The following JAKMIP3 variants were observed in gnomAD, a reference collection of about 807,000 sequenced individuals.
JAKMIP3 encodes Janus kinase and microtubule interacting protein 3.
In JAKMIP3, 58 loss-of-function variants were observed where a neutral mutation model predicts 118.5. The ratio of observed to expected loss-of-function variants is 0.49; its 90% CI spans 0.40 to 0.61. The LOEUF is 0.61. Ranked by LOEUF, JAKMIP3 falls within the 20% of genes least tolerant of loss-of-function variation. The probability of loss-of-function intolerance (pLI) is 0.00; values close to 1 mark genes in which losing one functional copy is unlikely to be tolerated. For synonymous variants in JAKMIP3, 486 were observed against 451.2 expected, an observed-to-expected ratio of 1.08 and a Z score of -0.98; for missense variants, 950 against 1,109.0, an observed-to-expected ratio of 0.86 and a Z score of 2.04.
chr10:132,137,124 C>A lies in JAKMIP3; in HGVS notation c.1222C>A (p.Gln408Lys), dbSNP rs751262268. 4 of 1,613,940 alleles carry A rather than the reference C, an allele frequency of 2.5e-6. No individual in the cohort carries two copies. Among genetic ancestry groups the A allele is most frequent in the Non-Finnish European group, 3.4e-6 (4 of 1,179,868 alleles). ...DFLKLQIVEQQNLIDELSKTL... is the reference protein window; with the variant it reads ...DFLKLQIVEQKNLIDELSKTL... ...CTTGAAGCTTCAGATTGTGGAGCAG[C>A]AAAACCTCATAGATGAACTGTCTAA... is the stretch of plus-strand genomic sequence containing the variant. The change falls in exon 7 of 24, where the codon CAA becomes AAA. Residue 408 changes from glutamine (Q) to lysine (K), a missense_variant. Transcript: ENST00000684848.
At chr10:132,095,779 G>C (rs1285766795) in intron 1 of JAKMIP3, among the ~76,000 whole-genome samples, 1 of 152,192 alleles carries the variant, frequency 6.6e-6, no homozygotes. Context: ...TACTATTCCT[G>C]ATAGGTGTTT....
intron 5 of JAKMIP3, 21 bp from the exon 6 acceptor site, chr10:132,135,909 A>G (rs1181979640): frequency 6.2e-7 from 1 of 1,604,816 alleles, no homozygotes; most frequent in South Asian, 1.1e-5. Context: ...AAGAACAATC[A>G]CATAGTGCGT....
Position 132,138,200 on chromosome 10 carries a change from C to A in JAKMIP3, c.1344+22C>A, listed in dbSNP as rs780425632. ...CAAGGTAAGGAACAGCACACCGGCA[C>A]GTGCGGAGAGTACGCCGGGTGTGTG... On this transcript the variant is annotated intron_variant, in intron 9 of 23. Transcript: ENST00000684848. 5 of 1,598,818 alleles carry A rather than the reference C, an allele frequency of 3.1e-6. No homozygotes were observed. The Middle Eastern group carries it at 5.1e-4, about 162-fold the overall frequency.
intron 21 of JAKMIP3, 91 bp downstream of exon 21, chr10:132,164,826 G>A (rs994960355): frequency 3.2e-5 from 28 of 873,226 alleles, no homozygotes; most frequent in Non-Finnish European, 5.1e-5. Flanking sequence ...GCTCCAGGCC[G>A]TTGGGGCAGC....
Position 132,137,256 on chromosome 10 carries a change from C to G in JAKMIP3, c.1251C>G (p.Thr417=), listed in dbSNP as rs200925629. 8.4e-5 allele frequency: 136 copies of G among 1,613,936 alleles called. No homozygotes were observed. The highest frequency in any genetic ancestry group is 1.1e-4 in the Non-Finnish European group (125 of 1,179,878). ...AACATGCTGTCTTCCTTTCCTAGAC[C>G]CTTGAGACCGCCGGCTACGTGAAGA... ...QQNLIDELSK[T]LETAGYVKSV... The change falls in exon 8 of 24, where the codon ACC becomes ACG. Residue 417 remains threonine, a splice_region_variant and synonymous_variant. Transcript: ENST00000684848.
rs185236738 is a variant in JAKMIP3 at position 132,104,585 on chromosome 10, C to T, written c.-137-87C>T. On this transcript the variant is annotated intron_variant, in intron 1 of 23. Transcript: ENST00000684848. Reference sequence around the variant, plus strand: ...GCACTGCAATGAGGTGGGGGGTCCACGTGCCCCTGCCCCGGCACACAAGCC... The same window carrying T: ...GCACTGCAATGAGGTGGGGGGTCCATGTGCCCCTGCCCCGGCACACAAGCC... 2.8e-4 allele frequency: 159 copies of T among 566,662 alleles called. No individual in the cohort carries two copies. The East Asian group carries it at 4.2e-3, about 15-fold the overall frequency. 35.1% of individuals were successfully genotyped at this position (566,662 alleles called of 1,614,324 possible). A position where few individuals can be genotyped will look rare whatever the true frequency, so the allele number is the denominator to read the frequency against.
chr10:132,151,579 A>G (rs1159375050), intron 16 of JAKMIP3, among the ~76,000 whole-genome samples: 3 of 152,214 alleles, frequency 2.0e-5, no homozygotes, highest in African/African-American at 7.2e-5. Context: ...CAGCCCCATC[A>G]TGAGGTCTTG....
intron 1 of JAKMIP3, among the ~76,000 whole-genome samples, chr10:132,040,943 T>C (rs2037724415): frequency 6.6e-6 from 1 of 152,224 alleles, no homozygotes; most frequent in African/African-American, 2.4e-5. Flanking sequence ...TACTCGATTT[T>C]CTGTGCCTGG....
At chr10:132,104,145 C>T (rs1290903281) in intron 1 of JAKMIP3, among the ~76,000 whole-genome samples, 1 of 141,834 alleles carries the variant, frequency 7.1e-6, no homozygotes, top group Non-Finnish European at 1.5e-5. Context: ...TGCAGGTTGC[C>T]TCCACTGGCA....
Position 132,106,253 on chromosome 10 carries a change from A to G in JAKMIP3, c.135+1310A>G, listed in dbSNP as rs975907531. Among the ~76,000 whole-genome samples, 3 of 151,912 alleles carry G rather than the reference A, an allele frequency of 2.0e-5. No individual in the cohort carries two copies. The East Asian group carries it at 5.8e-4, about 29-fold the overall frequency. The stretch of plus-strand genomic sequence containing the variant: ...CTCGGGAGGCTGAGGCAAGACAATT[A>G]CTTGAGTCTAGGAGGTTGAGGCTAC... On this transcript the variant is annotated intron_variant, in intron 2 of 23. Transcript: ENST00000684848.
intron 1 of JAKMIP3, among the ~76,000 whole-genome samples, chr10:132,077,182 G>C (rs898440398): frequency 1.3e-5 from 2 of 152,128 alleles, no homozygotes; most frequent in Non-Finnish European, 2.9e-5. Context: ...GCTTAGCCTA[G>C]AAGGGGTAGA....
At chr10:132,036,979 C>A (rs1370233206) in intron 1 of JAKMIP3, among the ~76,000 whole-genome samples, 4 of 152,028 alleles carry the variant, frequency 2.6e-5, no homozygotes, top group Non-Finnish European at 5.9e-5. Flanking sequence ...CAGGCCTCGG[C>A]GCTGGCGTGA....
chr10:132,153,810 G>A lies in JAKMIP3; in HGVS notation c.2125G>A (p.Asp709Asn). The change falls in exon 18 of 24, where the codon GAT becomes AAT. Residue 709 changes from aspartate (D) to asparagine (N), a missense_variant. Asp to Asn is a conservative substitution (Grantham distance 23). Transcript: ENST00000684848. The part of the protein sequence containing the change: ...TEAALQRKMV[D>N]LESEKELFSK... ...GGCGGCGCTGCAGCGGAAGATGGTGGATCTGGAGAGCGAGAAGGTTGGTGG... is the reference window on the plus strand; with the variant it reads ...GGCGGCGCTGCAGCGGAAGATGGTGAATCTGGAGAGCGAGAAGGTTGGTGG... 1 of 1,613,118 alleles carries A rather than the reference G, an allele frequency of 6.2e-7. No individual in the cohort carries two copies. Among genetic ancestry groups the A allele is most frequent in the Non-Finnish European group, 8.5e-7 (1 of 1,179,850 alleles).
At chr10:132,041,345 A>AGT (rs2037740658) in intron 1 of JAKMIP3, among the ~76,000 whole-genome samples, 2 of 152,030 alleles carry the variant, frequency 1.3e-5, no homozygotes, top group African/African-American at 2.4e-5. Flanking sequence ...GGTGGGCTGG[A>AGT]GTGGGTGGTA....
chr10:132,073,026 T>A (rs1021901106), intron 1 of JAKMIP3, among the ~76,000 whole-genome samples: 3 of 152,234 alleles, frequency 2.0e-5, no homozygotes, highest in Non-Finnish European at 4.4e-5. Context: ...TTCTGAGTTA[T>A]TTCATTCAGG....
intron 1 of JAKMIP3, among the ~76,000 whole-genome samples, chr10:132,088,069 G>C (rs1454314439): frequency 6.6e-6 from 1 of 151,974 alleles, no homozygotes; most frequent in Non-Finnish European, 1.5e-5. Flanking sequence ...AGTATTCCAT[G>C]GTGTATATGT....
intron 19 of JAKMIP3, among the ~76,000 whole-genome samples, chr10:132,159,635 GAT>G: frequency 1.6e-5 from 1 of 62,152 alleles, no homozygotes; most frequent in Non-Finnish European, 3.4e-5. Flanking sequence ...CTTCCTTTGT[GAT>G]GCTGGGGGGC....
intron 13 of JAKMIP3, among the ~76,000 whole-genome samples, chr10:132,145,991 GA>G (rs2054527980): frequency 6.6e-6 from 1 of 152,210 alleles, no homozygotes; most frequent in Non-Finnish European, 1.5e-5. Flanking sequence ...TGGGGAAGCT[GA>G]AGTCCTCGGG....
rs1468571355 is a variant in JAKMIP3, at chr10:132,149,362, A to G, written c.1849-50A>G. 3.2e-6 allele frequency: 4 copies of G among 1,249,388 alleles called. No homozygotes were observed. In the African/African-American group the frequency reaches 5.9e-5, roughly 19 times the overall value. The allele number at this position is 1,249,388 out of a possible 1,614,324, so 77.4% of individuals were successfully genotyped here. On this transcript the variant is annotated intron_variant, in intron 14 of 23. Transcript: ENST00000684848. ...TCAGGCCCCAGCACAGTCCTCTTAGAGGGAAGGGATGGGAGGGGAGCGGCT... is the reference window on the plus strand; with the variant it reads ...TCAGGCCCCAGCACAGTCCTCTTAGGGGGAAGGGATGGGAGGGGAGCGGCT...
Sources: gnomAD v4.1 joint callset for allele counts (sites outside exome capture counted in the v4.1 genomes callset) on GRCh38, gnomAD v4.1.1 for gene constraint, MANE v1.5 for transcripts, NCBI Gene and HGNC (gene_info 2026-07-23, HGNC 2026-07-21) for gene names.